ZMYM2: variants seen among roughly 807,000 people sequenced by gnomAD.
ZMYM2 encodes the protein zinc finger MYM-type containing 2.
In ZMYM2, 56 loss-of-function variants were observed where a neutral mutation model predicts 162.8. The ratio of observed to expected loss-of-function variants is 0.34; its 90% CI spans 0.28 to 0.43. The LOEUF (loss-of-function observed/expected upper bound fraction) is 0.43, where lower values mean the gene tolerates loss of function less well. ZMYM2 is among the 20% of genes least tolerant of loss of function. The pLI, the probability that ZMYM2 is intolerant of heterozygous loss-of-function variation, is 1.00. For synonymous variants in ZMYM2, 510 were observed against 541.6 expected (o/e 0.94, Z 0.81); for missense variants, 1,275 against 1,621.8 (o/e 0.79, Z 3.67).
At chr13:19,944,813 G>T in the ZMYM2 span, among the ~76,000 whole-genome samples, 1 of 152,058 alleles carries the variant, frequency 6.6e-6, no homozygotes, top group Non-Finnish European at 1.5e-5. Flanking sequence ...TGGGATTACA[G>T]GCACCCACCA....
At chr13:20,063,090 T>C in intron 18 of ZMYM2, 119 bp downstream of exon 18, 1 of 1,252,116 alleles carries the variant, frequency 8.0e-7, no homozygotes, top group African/African-American at 1.5e-5. Flanking sequence ...TTATTCTTGT[T>C]ATTTTTTAAA....
chr13:19,883,964 G>A, the ZMYM2 span, among the ~76,000 whole-genome samples: 1 of 152,250 alleles, frequency 6.6e-6, no homozygotes, highest in Admixed American at 6.5e-5. Flanking sequence ...ACCATGTTGC[G>A]CAGAATGGTC....
chr13:20,014,056 T>C (rs922054656), intron 6 of ZMYM2, among the ~76,000 whole-genome samples: 1 of 152,104 alleles, frequency 6.6e-6, no homozygotes, highest in Non-Finnish European at 1.5e-5. Context: ...CTTGGCCTTC[T>C]CTTTTTTGGG....
the ZMYM2 span, among the ~76,000 whole-genome samples, chr13:19,872,936 G>A: frequency 1.3e-5 from 2 of 151,866 alleles, no homozygotes; most frequent in South Asian, 4.2e-4. Flanking sequence ...GAGGCCAGAG[G>A]TTGCAGTGAG....
chr13:19,954,710 G>A (rs560767036), upstream of ZMYM2, among the ~76,000 whole-genome samples: 1 of 152,210 alleles, frequency 6.6e-6, no homozygotes, highest in Admixed American at 6.5e-5. Flanking sequence ...CTACCCAGGA[G>A]TACTATGTTT....
intron 7 of ZMYM2, among the ~76,000 whole-genome samples, chr13:20,024,085 C>T (rs1024945935): frequency 6.6e-6 from 1 of 152,044 alleles, no homozygotes; most frequent in Non-Finnish European, 1.5e-5. Flanking sequence ...CAGGCATGCA[C>T]CACCACGCCT....
intron 3 of ZMYM2, among the ~76,000 whole-genome samples, chr13:19,997,490 C>G (rs544052561): frequency 6.6e-6 from 1 of 152,004 alleles, no homozygotes; most frequent in East Asian, 1.9e-4. Flanking sequence ...TCTAAAACTC[C>G]TTGTAGGTAG....
chr13:19,890,718 A>C, the ZMYM2 span, among the ~76,000 whole-genome samples: 1 of 151,660 alleles, frequency 6.6e-6, no homozygotes, highest in African/African-American at 2.4e-5. Context: ...AAAATTAAAA[A>C]AAAATTAGCC....
At chr13:20,069,040 C>T (rs1956889402) in intron 21 of ZMYM2, among the ~76,000 whole-genome samples, 1 of 152,156 alleles carries the variant, frequency 6.6e-6, no homozygotes, top group African/African-American at 2.4e-5. Flanking sequence ...CCTAGTTCCT[C>T]TCCCTAAGGA....
At chr13:19,882,007 T>G in the ZMYM2 span, among the ~76,000 whole-genome samples, 535 of 151,646 alleles carry the variant, frequency 3.5e-3, 1 homozygote, top group African/African-American at 0.013. Context: ...AAAAAATTTG[T>G]ATATTTTTAC....
chr13:19,885,876 TATACAC>T, the ZMYM2 span, among the ~76,000 whole-genome samples: 25 of 109,812 alleles, frequency 2.3e-4, 3 homozygotes, highest in African/African-American at 5.2e-4. Context: ...TATATATGTA[TATACAC>T]ATATATATGT....
the ZMYM2 span, among the ~76,000 whole-genome samples, chr13:19,919,150 T>C: frequency 1.4e-4 from 21 of 151,930 alleles, no homozygotes; most frequent in African/African-American, 4.8e-4. Flanking sequence ...TTTTTTTCAC[T>C]TAGCATATGC....
rs185967079 is a variant in ZMYM2, at chr13:19,999,351, G to T, written c.848-3499G>T. ...CTTCGTGTCTCTGTTTCACATTTTG[G>T]TAATTCTCACAATATTTCAGGCCTT... is the stretch of plus-strand genomic sequence containing the variant. On this transcript the variant is annotated intron_variant, in intron 3 of 24. Transcript: ENST00000610343. Among the ~76,000 whole-genome samples the T allele has an allele frequency of 1.5e-3, 234 of 152,222 alleles. 1 individual carries two copies. The highest frequency in any genetic ancestry group is 5.2e-3 in the African/African-American group (217 of 41,530).
At chr13:20,057,500 G>A (rs957552450) in intron 14 of ZMYM2, among the ~76,000 whole-genome samples, 2 of 152,076 alleles carry the variant, frequency 1.3e-5, no homozygotes, top group East Asian at 3.9e-4. Context: ...ATGCATAAGG[G>A]TACAGTAAAC....
chr13:20,074,879 G>C (rs1957376172), intron 21 of ZMYM2, among the ~76,000 whole-genome samples: 1 of 152,112 alleles, frequency 6.6e-6, no homozygotes, highest in South Asian at 2.1e-4. Context: ...ATTGATGAAT[G>C]CTTTATCAAA....
At chr13:20,049,771 A>G (rs1003226181) in intron 12 of ZMYM2, among the ~76,000 whole-genome samples, 1 of 152,048 alleles carries the variant, frequency 6.6e-6, no homozygotes, top group Non-Finnish European at 1.5e-5. Flanking sequence ...AGTAGATACA[A>G]TGGGTTTGGC....
the ZMYM2 span, among the ~76,000 whole-genome samples, chr13:19,881,640 AAAAAT>A: frequency 6.7e-6 from 1 of 149,374 alleles, no homozygotes; most frequent in Admixed American, 6.8e-5. Context: ...ATAAAAAATA[AAAAAT>A]AAAATAAAAC....
chr13:19,956,933 A>G (rs9552048), upstream of ZMYM2, among the ~76,000 whole-genome samples: 105,057 of 152,136 alleles, frequency 0.69, 41,368 homozygotes, highest in Non-Finnish European at 0.86. Context: ...TGTTGTGATG[A>G]TAGTTTTTCA....
intron 2 of ZMYM2, among the ~76,000 whole-genome samples, chr13:19,988,793 A>C (rs1198275975): frequency 6.6e-6 from 1 of 152,202 alleles, no homozygotes; most frequent in African/African-American, 2.4e-5. Context: ...AAAAAAAAGA[A>C]AAGACAAATT....
Sources: gnomAD v4.1 joint callset for allele counts (sites outside exome capture counted in the v4.1 genomes callset) on GRCh38, gnomAD v4.1.1 for gene constraint, MANE v1.5 for transcripts, NCBI Gene and HGNC (gene_info 2026-07-23, HGNC 2026-07-21) for gene names.